PAIP2: variants seen among roughly 807,000 people sequenced by gnomAD.
PAIP2 encodes polyadenylate-binding protein-interacting protein 2.
In PAIP2, 7 loss-of-function variants were observed where a neutral mutation model predicts 14.8. The ratio of observed to expected loss-of-function variants is 0.47; its 90% CI spans 0.27 to 0.89. The LOEUF (loss-of-function observed/expected upper bound fraction) is 0.89. Among genes scored for constraint, PAIP2 ranks in the 40% least tolerant of loss-of-function variants. The pLI is 0.13. For missense variants in PAIP2, 122 were observed against 154.7 expected (o/e 0.79, Z 1.12); for synonymous variants, 47 against 45.3 (o/e 1.04, Z -0.15).
chr5:139,350,043 C>G (rs920087842), intron 1 of PAIP2, among the ~76,000 whole-genome samples: 1 of 151,568 alleles, frequency 6.6e-6, no homozygotes. Flanking sequence ...GGTGTGGTGG[C>G]GGGCGCCTGT....
At chr5:139,368,044 C>T (rs988419009) in intron 3 of PAIP2, among the ~76,000 whole-genome samples, 1 of 151,752 alleles carries the variant, frequency 6.6e-6, no homozygotes, top group East Asian at 1.9e-4. Flanking sequence ...ACTAAAAATA[C>T]GAAAAATTAG....
At chr5:139,346,543 A>AT (rs1444969609) in intron 1 of PAIP2, among the ~76,000 whole-genome samples, 1 of 149,636 alleles carries the variant, frequency 6.7e-6, no homozygotes, top group Non-Finnish European at 1.5e-5. Context: ...GCCTATTTTT[A>AT]TTTTTTGAGA....
At chr5:139,361,105 A>T (rs1022967768) in intron 1 of PAIP2, among the ~76,000 whole-genome samples, 1 of 151,986 alleles carries the variant, frequency 6.6e-6, no homozygotes, top group Non-Finnish European at 1.5e-5. Context: ...AGATATACAT[A>T]CTATAACTAG....
At chr5:139,350,757 A>G (rs903834333) in intron 1 of PAIP2, among the ~76,000 whole-genome samples, 1 of 152,120 alleles carries the variant, frequency 6.6e-6, no homozygotes, top group Non-Finnish European at 1.5e-5. Context: ...CAAAAGACTG[A>G]TGAATCTAGA....
At chr5:139,346,656 C>T (rs1049713757) in intron 1 of PAIP2, among the ~76,000 whole-genome samples, 2 of 151,634 alleles carry the variant, frequency 1.3e-5, no homozygotes, top group East Asian at 3.9e-4. Context: ...CTCAGCCTCC[C>T]GAGTAGCTGG....
chr5:139,369,109 A>T lies in PAIP2; in HGVS notation c.*311A>T. ...TACCAAATTGTCTTTTTTTGAGGCT[A>T]ATCTATCACTTGTTAATGTCTAAAC... On this transcript the variant is annotated 3_prime_UTR_variant, in exon 4 of 4. Coordinates refer to ENST00000265192, the MANE Select transcript of PAIP2 (RefSeq NM_016480.5). The T allele has an allele frequency of 4.7e-6, 1 of 212,138 alleles. No individual in the cohort carries two copies. The highest frequency in any genetic ancestry group is 9.3e-6 in the Non-Finnish European group (1 of 107,348). 13.1% of individuals were successfully genotyped at this position (212,138 alleles called of 1,614,324 possible).
At chr5:139,349,113 A>G (rs1756648131) in intron 1 of PAIP2, among the ~76,000 whole-genome samples, 1 of 152,236 alleles carries the variant, frequency 6.6e-6, no homozygotes, top group African/African-American at 2.4e-5. Flanking sequence ...AAAACTGAAG[A>G]TTGGGGAGGG....
intron 1 of PAIP2, among the ~76,000 whole-genome samples, chr5:139,356,137 C>G (rs1043645194): frequency 6.6e-6 from 1 of 150,472 alleles, no homozygotes; most frequent in African/African-American, 2.5e-5. Flanking sequence ...AACTCTGTCT[C>G]AAAAACGATA....
chr5:139,362,475 A>G (rs1163773504), intron 1 of PAIP2, among the ~76,000 whole-genome samples: 1 of 144,666 alleles, frequency 6.9e-6, no homozygotes, highest in Non-Finnish European at 1.5e-5. Context: ...CAACGGCGCA[A>G]TCTTGGCTCA....
In PAIP2 at chr5:139,369,493, C is replaced by T. The variant is rs1757517289; in HGVS notation, c.*695C>T. The T allele has an allele frequency of 3.5e-3, 3 of 864 alleles. 1 individual carries two copies. In the Admixed American group the frequency reaches 0.14, roughly 39 times the overall value. 0.1% of individuals were successfully genotyped at this position (864 alleles called of 1,614,324 possible). A position where few individuals can be genotyped will look rare whatever the true frequency, so the allele number is the denominator to read the frequency against. On this transcript the variant is annotated 3_prime_UTR_variant, in exon 4 of 4. Transcript: ENST00000265192. ...CCCATAATCCAGCTGAACAAAGATA[C>T]TGTAACATGATTTGAGTGGTGCTTT... is the stretch of plus-strand genomic sequence containing the variant.
intron 1 of PAIP2, among the ~76,000 whole-genome samples, chr5:139,356,445 C>A (rs1042955947): frequency 1.3e-5 from 2 of 152,028 alleles, no homozygotes; most frequent in Non-Finnish European, 2.9e-5. Flanking sequence ...AAACACTCCT[C>A]GTCAAAAATA....
rs1756627716 is a variant in PAIP2, at chr5:139,348,521, A to T, written c.-27+6541A>T. 2.7e-5 allele frequency among the ~76,000 whole-genome samples: 4 copies of T among 148,742 alleles called. No homozygotes were observed. The South Asian group carries it at 6.4e-4, about 24-fold the overall frequency. Reference sequence around the variant, plus strand: ...AGGTGCCTGCCACCATACTTGGCTAATTTTTTTTTGTATTTTTAGTAGAGA... The same window carrying T: ...AGGTGCCTGCCACCATACTTGGCTATTTTTTTTTTGTATTTTTAGTAGAGA... On this transcript the variant is annotated intron_variant, in intron 1 of 3. Coordinates refer to ENST00000265192, the MANE Select transcript of PAIP2 (RefSeq NM_016480.5).
intron 1 of PAIP2, among the ~76,000 whole-genome samples, chr5:139,351,363 A>T (rs1581299905): frequency 1.3e-5 from 2 of 152,154 alleles, no homozygotes; most frequent in Admixed American, 1.3e-4. Flanking sequence ...AATGGCAAAA[A>T]GTGGGAACAT....
intron 2 of PAIP2, 119 bp from the exon 3 acceptor site, chr5:139,364,445 T>C: frequency 1.7e-6 from 1 of 581,268 alleles, no homozygotes; most frequent in African/African-American, 1.9e-5. Context: ...TTCCTTAGCA[T>C]GGAAGCAGAA....
chr5:139,344,083 T>C (rs920000226), intron 1 of PAIP2, among the ~76,000 whole-genome samples: 1 of 152,224 alleles, frequency 6.6e-6, no homozygotes, highest in South Asian at 2.1e-4. Context: ...GGCATTGTTC[T>C]CATTGCCTTT....
rs566740170 is a variant in PAIP2 at position 139,344,876 on chromosome 5, T to A, written c.-27+2896T>A. Among the ~76,000 whole-genome samples the A allele has an allele frequency of 1.8e-4, 28 of 152,158 alleles. No individual in the cohort carries two copies. In the Middle Eastern group the frequency reaches 0.01, roughly 55 times the overall value. On this transcript the variant is annotated intron_variant, in intron 1 of 3. Coordinates refer to ENST00000265192, the MANE Select transcript of PAIP2 (RefSeq NM_016480.5). ...ACCTTTAACTGCCCTAAATATTTAA[T>A]CACCGAGATAGTTAATGCCAATTGT...
At chr5:139,353,009 C>T (rs1202149421) in intron 1 of PAIP2, among the ~76,000 whole-genome samples, 2 of 151,088 alleles carry the variant, frequency 1.3e-5, no homozygotes, top group East Asian at 2.0e-4. Flanking sequence ...CCAGCTGCTC[C>T]GGAGGCTGAG....
intron 1 of PAIP2, 41 bp from the exon 2 acceptor site, chr5:139,363,718 T>C: frequency 6.4e-7 from 1 of 1,568,546 alleles, no homozygotes; most frequent in East Asian, 2.3e-5. Context: ...GAAAAAACCC[T>C]GAATGAGTAA....
rs555737374 is a variant in PAIP2 at position 139,354,345 on chromosome 5, C to T, written c.-26-9414C>T. On this transcript the variant is annotated intron_variant, in intron 1 of 3. Coordinates refer to ENST00000265192, the MANE Select transcript of PAIP2 (RefSeq NM_016480.5). ...TTCTTTCAGCATTTTGAATATGTTA[C>T]CTTCTGACCTCCATGGTTTCTGGTG... Among the ~76,000 whole-genome samples, 76 of 152,082 alleles carry T rather than the reference C, an allele frequency of 5.0e-4. No individual in the cohort carries two copies. The East Asian group carries it at 0.013, about 27-fold the overall frequency.
Sources: allele counts gnomAD v4.1 joint callset (sites outside exome capture counted in the v4.1 genomes callset), GRCh38; gene constraint gnomAD v4.1.1; transcripts MANE v1.5; gene names NCBI Gene and HGNC (gene_info 2026-07-23, HGNC 2026-07-21).